The following PXYLP1 variants were observed in gnomAD, a reference collection of about 807,000 sequenced individuals.
The protein encoded by PXYLP1 is 2-phosphoxylose phosphatase 1, also known as acid phosphatase-like 2.
In PXYLP1, 17 loss-of-function variants were observed where a neutral mutation model predicts 37.9. The ratio of observed to expected loss-of-function variants is 0.45; its 90% confidence interval spans 0.31 to 0.67. The LOEUF is 0.67. Ranked by LOEUF, PXYLP1 falls within the 30% of genes least tolerant of loss-of-function variation. PXYLP1 has a pLI of 0.07. For synonymous variants in PXYLP1, 221 were observed against 232.2 expected (o/e 0.95, Z 0.44); for missense variants, 511 against 612.0 (o/e 0.84, Z 1.74).
At chr3:141,257,098 G>A (rs190403066) in intron 1 of PXYLP1, among the ~76,000 whole-genome samples, 49 of 152,306 alleles carry the variant, frequency 3.2e-4, no homozygotes, top group Admixed American at 5.9e-4. Context: ...TTTTCATGTC[G>A]TGCCTACAGA....
intron 1 of PXYLP1, among the ~76,000 whole-genome samples, chr3:141,254,495 C>G (rs1299936704): frequency 1.3e-5 from 2 of 152,218 alleles, no homozygotes; most frequent in African/African-American, 4.8e-5. Context: ...GCTGTGAACT[C>G]ACAGCCCCTT....
rs1384993306 is a variant in PXYLP1 at position 141,231,853 on chromosome 3, G to T, written c.-112G>T. 6.6e-6 allele frequency: 1 copy of T among 150,760 alleles called. No homozygotes were observed. The highest frequency in any genetic ancestry group is 1.5e-5 in the Non-Finnish European group (1 of 67,580). The allele number at this position is 150,760 out of a possible 1,614,324, so 9.3% of individuals were successfully genotyped here. ...TCCCCTCGCGCCGGGAGGAGCTGGC[G>T]GCGAGCGCCGAGCCGGGCGCGCAGC... On this transcript the variant is annotated 5_prime_UTR_variant, in exon 1 of 6. Transcript: ENST00000286353. The surrounding 1 kb of genome is among the most constrained non-coding windows in gnomAD (Gnocchi z 4.4).
chr3:141,274,912 C>T (rs544445845), intron 2 of PXYLP1, among the ~76,000 whole-genome samples: 16 of 152,140 alleles, frequency 1.1e-4, no homozygotes, highest in African/African-American at 2.4e-4. Flanking sequence ...TGCCAGCAAA[C>T]GGTGGAGCAT....
chr3:141,242,659 G>A (rs1940838144), intron 1 of PXYLP1, among the ~76,000 whole-genome samples: 1 of 152,162 alleles, frequency 6.6e-6, no homozygotes, highest in Non-Finnish European at 1.5e-5. Context: ...CTTCAAGCTG[G>A]GTTAATCTGT....
At chr3:141,253,562 T>A (rs551124846) in intron 1 of PXYLP1, among the ~76,000 whole-genome samples, 83 of 152,252 alleles carry the variant, frequency 5.5e-4, no homozygotes, top group Non-Finnish European at 1.1e-3. Flanking sequence ...ATCTGCCGTA[T>A]CCTAGCCTGG....
At chr3:141,245,236 G>GA (rs1220071001) in intron 1 of PXYLP1, among the ~76,000 whole-genome samples, 1 of 151,692 alleles carries the variant, frequency 6.6e-6, no homozygotes, top group Non-Finnish European at 1.5e-5. Flanking sequence ...TTTTAGTAGA[G>GA]ACAGGGGTCT....
chr3:141,276,593 A>G (rs1941801501), intron 2 of PXYLP1, among the ~76,000 whole-genome samples: 2 of 152,230 alleles, frequency 1.3e-5, no homozygotes, highest in South Asian at 4.1e-4. Flanking sequence ...TGTTATTACA[A>G]ACAGCACTGC....
At chr3:141,280,832 G>A (rs947111223) in intron 4 of PXYLP1, among the ~76,000 whole-genome samples, 6 of 152,138 alleles carry the variant, frequency 3.9e-5, no homozygotes, top group East Asian at 1.9e-4. Flanking sequence ...CTAGTGAAAC[G>A]GAATACTGTG....
chr3:141,279,231 T>C, intron 3 of PXYLP1, 147 bp from the exon 4 acceptor site: 2 of 904,120 alleles, frequency 2.2e-6, no homozygotes, highest in Admixed American at 2.3e-5. Flanking sequence ...GCCCCTTCAC[T>C]GTGGTGGCTC....
intron 1 of PXYLP1, among the ~76,000 whole-genome samples, chr3:141,259,559 G>A (rs1007987120): frequency 1.3e-5 from 2 of 152,114 alleles, no homozygotes; most frequent in Non-Finnish European, 2.9e-5. Flanking sequence ...CAGGATGAAG[G>A]GAGGTCTCAA....
At chr3:141,285,844 CCT>C (rs748385294) in intron 4 of PXYLP1, among the ~76,000 whole-genome samples, 8 of 152,104 alleles carry the variant, frequency 5.3e-5, no homozygotes, top group Non-Finnish European at 8.8e-5. Flanking sequence ...AATAACGTAC[CCT>C]GTTTTTGTGG....
rs1265448252 is a variant in PXYLP1 at position 141,249,062 on chromosome 3, G to A, written c.-53-11061G>A. Among the ~76,000 whole-genome samples, 15 of 152,100 alleles carry A rather than the reference G, an allele frequency of 9.9e-5. No individual in the cohort carries two copies. The East Asian group carries it at 2.9e-3, about 29-fold the overall frequency. Reference sequence around the variant, plus strand: ...CACTTGGCCACCTCCATGGGCAGGAGGGCTCATTCTATACTGACACTGTCA... The same window carrying A: ...CACTTGGCCACCTCCATGGGCAGGAAGGCTCATTCTATACTGACACTGTCA... On this transcript the variant is annotated intron_variant, in intron 1 of 5. Coordinates refer to ENST00000286353, the MANE Select transcript of PXYLP1 (RefSeq NM_001037172.3).
intron 4 of PXYLP1, among the ~76,000 whole-genome samples, chr3:141,281,093 A>G (rs1342326462): frequency 1.3e-5 from 2 of 152,256 alleles, no homozygotes; most frequent in African/African-American, 4.8e-5. Context: ...TTTTGCATTC[A>G]TAAATATGAA....
intron 1 of PXYLP1, among the ~76,000 whole-genome samples, chr3:141,251,435 T>C (rs567593078): frequency 1.3e-5 from 2 of 152,306 alleles, no homozygotes; most frequent in South Asian, 4.1e-4. Context: ...TCACGACTCA[T>C]TGGAAGAACT....
intron 1 of PXYLP1, among the ~76,000 whole-genome samples, chr3:141,248,406 A>G (rs1382699627): frequency 2.0e-5 from 3 of 151,624 alleles, no homozygotes; most frequent in African/African-American, 7.3e-5. Context: ...CCAAAGCTAA[A>G]TGTTGTAATT....
At chr3:141,249,809 G>A (rs1941100623) in intron 1 of PXYLP1, among the ~76,000 whole-genome samples, 1 of 152,090 alleles carries the variant, frequency 6.6e-6, no homozygotes, top group African/African-American at 2.4e-5. Context: ...AACGTTGGAT[G>A]GAACACAGAC....
rs939073029 is a variant in PXYLP1, at chr3:141,262,843, G to A, written c.79+2589G>A. The A allele has an allele frequency of 2.1e-5, 15 of 727,676 alleles. No homozygotes were observed. The East Asian group carries it at 2.5e-4, about 12-fold the overall frequency. 45.1% of individuals were successfully genotyped at this position (727,676 alleles called of 1,614,324 possible). A position where few individuals can be genotyped will look rare whatever the true frequency, so the allele number is the denominator to read the frequency against. On this transcript the variant is annotated intron_variant, in intron 2 of 5. Transcript: ENST00000286353. Reference sequence around the variant, plus strand: ...GTAAGAAACAGCACTAATTCATAACGCACAGGTTTCGCTTATATACCACTT... The same window carrying A: ...GTAAGAAACAGCACTAATTCATAACACACAGGTTTCGCTTATATACCACTT...
At chr3:141,270,498 A>C (rs1438284653) in intron 2 of PXYLP1, among the ~76,000 whole-genome samples, 2 of 152,212 alleles carry the variant, frequency 1.3e-5, no homozygotes, top group African/African-American at 4.8e-5. Flanking sequence ...CATTTAAGAT[A>C]ATTTAGTGGG....
intron 1 of PXYLP1, among the ~76,000 whole-genome samples, chr3:141,241,692 T>C (rs1486342095): frequency 6.6e-6 from 1 of 152,192 alleles, no homozygotes; most frequent in African/African-American, 2.4e-5. Context: ...CGTCCAACAC[T>C]GCTGTGCCAT....
Sources: gnomAD v4.1 joint callset for allele counts (sites outside exome capture counted in the v4.1 genomes callset) on GRCh38, gnomAD v4.1.1 for gene constraint, Gnocchi (gnomAD v3.1) non-coding constraint, MANE v1.5 for transcripts, NCBI Gene and HGNC (gene_info 2026-07-23, HGNC 2026-07-21) for gene names.